The following TFAM variants were observed in gnomAD, a reference collection of about 807,000 sequenced individuals.
TFAM encodes the protein transcription factor A, mitochondrial.
In TFAM, 13 loss-of-function variants were observed where a neutral mutation model predicts 30.6. The observed-to-expected ratio is 0.42, with a 90% CI of 0.28 to 0.67. The LOEUF (loss-of-function observed/expected upper bound fraction) is 0.67, where lower values mean the gene tolerates loss of function less well. Ranked by LOEUF, TFAM falls within the 30% of genes least tolerant of loss-of-function variation. The pLI, the probability that TFAM is intolerant of heterozygous loss-of-function variation, is 0.21. For synonymous variants in TFAM, 106 were observed against 94.8 expected, an observed-to-expected ratio of 1.12 and a Z score of -0.69; for missense variants, 231 against 293.7, an observed-to-expected ratio of 0.79 and a Z score of 1.56.
chr10:58,390,950 G>A (rs1840580843), intron 5 of TFAM, 90 bp downstream of exon 5: 2 of 1,165,424 alleles, frequency 1.7e-6, no homozygotes, highest in Non-Finnish European at 2.5e-6. Flanking sequence ...AAGAAAAGTA[G>A]TGAATATCCA....
intron 4 of TFAM, among the ~76,000 whole-genome samples, chr10:58,389,292 A>G (rs898277677): frequency 2.0e-4 from 30 of 152,168 alleles, no homozygotes; most frequent in African/African-American, 6.5e-4. Context: ...TTTAGGATGG[A>G]ATTCTTTTTT....
chr10:58,392,739 A>G (rs910838337), intron 5 of TFAM, among the ~76,000 whole-genome samples: 11 of 151,442 alleles, frequency 7.3e-5, no homozygotes, highest in African/African-American at 2.7e-4. Context: ...CGGTGGCACT[A>G]TCTCAGCTCA....
At chr10:58,390,927 G>T (rs1840580372) in intron 5 of TFAM, 67 bp downstream of exon 5, 1 of 1,355,320 alleles carries the variant, frequency 7.4e-7, no homozygotes, top group Non-Finnish European at 1.0e-6. Flanking sequence ...AGAGTGCCAT[G>T]TGTCAGGTAG....
Position 58,395,324 on chromosome 10 carries a change from C to CA in TFAM, c.*251dup. Reference sequence around the variant, plus strand: ...CAGAGTAATCCAAGCAAATGTGAATCATTTTACCTTTGACAAAGGTAAATC... The same window carrying CA: ...CAGAGTAATCCAAGCAAATGTGAATCAATTTTACCTTTGACAAAGGTAAATC... On this transcript the variant is annotated 3_prime_UTR_variant, in exon 7 of 7. Coordinates refer to ENST00000487519, the MANE Select transcript of TFAM (RefSeq NM_003201.3). 2.2e-6 allele frequency: 1 copy of CA among 461,760 alleles called. No individual in the cohort carries two copies. The highest frequency in any genetic ancestry group is 3.9e-6 in the Non-Finnish European group (1 of 256,202). The allele number at this position is 461,760 out of a possible 1,614,324, so 28.6% of individuals were successfully genotyped here.
At position 58,398,990 on chromosome 10, in the gene TFAM, A is replaced by G. The variant is rs1840739979; in HGVS notation, c.*3916A>G. On this transcript the variant is annotated 3_prime_UTR_variant, in exon 7 of 7. Coordinates refer to ENST00000487519, the MANE Select transcript of TFAM (RefSeq NM_003201.3). ...AATACATTTATTACTTTAAATTTGT[A>G]AAATTTTCCAAAGTAAAACCATACA... The G allele has an allele frequency of 6.6e-6, 1 of 152,240 alleles. No individual in the cohort carries two copies. The allele number at this position is 152,240 out of a possible 1,614,324, so 9.4% of individuals were successfully genotyped here. A position where few individuals can be genotyped will look rare whatever the true frequency, so the allele number is the denominator to read the frequency against.
Position 58,398,783 on chromosome 10 carries a change from A to G in TFAM, c.*3709A>G, listed in dbSNP as rs893586319. ...ATTTCTCTTAATTTTACTAACATTTACTATAAGAATATTCTCTCGCTCTTT... is the reference window on the plus strand; with the variant it reads ...ATTTCTCTTAATTTTACTAACATTTGCTATAAGAATATTCTCTCGCTCTTT... On this transcript the variant is annotated 3_prime_UTR_variant, in exon 7 of 7. Transcript: ENST00000487519. 1.1e-4 allele frequency: 16 copies of G among 152,306 alleles called. No individual in the cohort carries two copies. The highest frequency in any genetic ancestry group is 3.4e-4 in the African/African-American group (14 of 41,572). The allele number at this position is 152,306 out of a possible 1,614,324, so 9.4% of individuals were successfully genotyped here.
In TFAM at chr10:58,396,075, T is replaced by C. The variant is rs1344120103; in HGVS notation, c.*1001T>C. ...TTTTAAATGTTTTTTTTTAAAGACTTTTATGATACTTGAAAATTAACATGA... is the reference window on the plus strand; with the variant it reads ...TTTTAAATGTTTTTTTTTAAAGACTCTTATGATACTTGAAAATTAACATGA... On this transcript the variant is annotated 3_prime_UTR_variant, in exon 7 of 7. Coordinates refer to ENST00000487519, the MANE Select transcript of TFAM (RefSeq NM_003201.3). The C allele has an allele frequency of 6.5e-6, 1 of 153,632 alleles. No homozygotes were observed. Among genetic ancestry groups the C allele is most frequent in the Admixed American group, 6.5e-5 (1 of 15,338 alleles). 9.5% of individuals were successfully genotyped at this position (153,632 alleles called of 1,614,324 possible).
At chr10:58,389,207 G>T (rs1285726456) in intron 4 of TFAM, among the ~76,000 whole-genome samples, 6 of 152,132 alleles carry the variant, frequency 3.9e-5, no homozygotes, top group Non-Finnish European at 1.5e-5. Context: ...GTTTGATATG[G>T]AATATTGCTG....
chr10:58,392,305 A>G (rs1272315975), intron 5 of TFAM, among the ~76,000 whole-genome samples: 1 of 152,160 alleles, frequency 6.6e-6, no homozygotes, highest in Non-Finnish European at 1.5e-5. Flanking sequence ...CAAAATGTAA[A>G]AATTCCTTTT....
chr10:58,393,036 G>A (rs1179590713), intron 5 of TFAM, among the ~76,000 whole-genome samples: 1 of 152,072 alleles, frequency 6.6e-6, no homozygotes, highest in Non-Finnish European at 1.5e-5. Flanking sequence ...CTGGAGTGCA[G>A]TGGCGTGATC....
At chr10:58,389,923 A>G (rs1028361104) in intron 4 of TFAM, among the ~76,000 whole-genome samples, 2 of 152,224 alleles carry the variant, frequency 1.3e-5, no homozygotes, top group Non-Finnish European at 2.9e-5. Context: ...AGGACTAGGA[A>G]GTTACAAGTA....
chr10:58,386,178 T>TA (rs1198847478), intron 1 of TFAM, 42 bp from the exon 2 acceptor site: 1 of 1,295,910 alleles, frequency 7.7e-7, no homozygotes, highest in East Asian at 2.3e-5. Context: ...TATTGACAGT[T>TA]AAACATCTGA....
At position 58,395,099 on chromosome 10, in the gene TFAM, C is replaced by A. The variant is rs1161427870; in HGVS notation, c.*25C>A. ...AAAGTAGAAGATTGAGATGTGTTCA[C>A]AATGGATAGGCACAGGAAACCAGTT... On this transcript the variant is annotated 3_prime_UTR_variant, in exon 7 of 7. Transcript: ENST00000487519. The A allele has an allele frequency of 6.2e-7, 1 of 1,611,668 alleles. No homozygotes were observed. Among genetic ancestry groups the A allele is most frequent in the Non-Finnish European group, 8.5e-7 (1 of 1,178,366 alleles).
At position 58,385,525 on chromosome 10, in the gene TFAM, T is replaced by C; in HGVS notation, c.-23T>C. The C allele has an allele frequency of 6.5e-7, 1 of 1,544,352 alleles. No homozygotes were observed. The highest frequency in any genetic ancestry group is 8.8e-7 in the Non-Finnish European group (1 of 1,139,674). On this transcript the variant is annotated 5_prime_UTR_variant, in exon 1 of 7. Transcript: ENST00000487519. Reference sequence around the variant, plus strand: ...GAGGCTCTCCGAGATTGGGGTCGGGTCACTGCCTCATCCACCGGAGCGATG... The same window carrying C: ...GAGGCTCTCCGAGATTGGGGTCGGGCCACTGCCTCATCCACCGGAGCGATG...
In TFAM at chr10:58,388,815, A is replaced by G; in HGVS notation, c.437A>G (p.Lys146Arg). The G allele has an allele frequency of 2.5e-6, 4 of 1,605,640 alleles. No homozygotes were observed. The highest frequency in any genetic ancestry group is 2.7e-5 in the African/African-American group (2 of 74,756). The part of the protein sequence containing the change: ...KHLKRKAMTK[K>R]KELTLLGKPK... ...TTAAAAAGGAAAGCTATGACAAAAA[A>G]AAAAGTGAGTATCATTGAAATACTT... Residue 146 changes from lysine (K) to arginine (R), a missense_variant, in exon 4 of 7, where the codon AAA (lysine) becomes AGA (arginine). Physicochemically the swap from Lys to Arg is conservative, Grantham distance 26 (BLOSUM62 2). Coordinates refer to ENST00000487519, the MANE Select transcript of TFAM (RefSeq NM_003201.3).
At chr10:58,393,628 C>G (rs1840633080) in intron 5 of TFAM, among the ~76,000 whole-genome samples, 1 of 152,080 alleles carries the variant, frequency 6.6e-6, no homozygotes, top group Non-Finnish European at 1.5e-5. Context: ...TGGCTCATGC[C>G]TGTAATCCTA....
At position 58,397,104 on chromosome 10, in the gene TFAM, C is replaced by T. The variant is rs41283696; in HGVS notation, c.*2030C>T. The T allele has an allele frequency of 0.15, 22,676 of 152,050 alleles. 1,671 individuals carry two copies. The highest frequency in any genetic ancestry group is 0.16 in the African/African-American group (6,695 of 41,440). 9.4% of individuals were successfully genotyped at this position (152,050 alleles called of 1,614,324 possible). A position where few individuals can be genotyped will look rare whatever the true frequency, so the allele number is the denominator to read the frequency against. On this transcript the variant is annotated 3_prime_UTR_variant, in exon 7 of 7. Transcript: ENST00000487519. ...CATCTAGAATGGTACTAATTATGTA[C>T]AGTCCCTAGGAGAATGGAGAAAATC...
At chr10:58,394,518 TA>T in intron 6 of TFAM, 104 bp downstream of exon 6, 2 of 966,376 alleles carry the variant, frequency 2.1e-6, no homozygotes, top group Non-Finnish European at 1.7e-6. Flanking sequence ...GTATTACTAA[TA>T]ATACAAGTAT....
At chr10:58,388,486 A>G (rs1307356558) in intron 3 of TFAM, among the ~76,000 whole-genome samples, 184 bp from the exon 4 acceptor site, 1 of 152,192 alleles carries the variant, frequency 6.6e-6, no homozygotes, top group East Asian at 1.9e-4. Flanking sequence ...CTAAACTCTC[A>G]CCTTGATTAG....
Sources: allele counts gnomAD v4.1 joint callset (sites outside exome capture counted in the v4.1 genomes callset), GRCh38; gene constraint gnomAD v4.1.1; transcripts MANE v1.5; gene names NCBI Gene and HGNC (gene_info 2026-07-23, HGNC 2026-07-21).